The following IGSF5 variants were observed in gnomAD, a reference collection of about 807,000 sequenced individuals.
IGSF5 encodes immunoglobulin superfamily 5 like.
IGSF5 carries 41 observed loss-of-function variants against 39.4 expected under a neutral mutation model. The observed-to-expected ratio is 1.04, with a 90% CI of 0.81 to 1.35. The LOEUF is 1.35. Ranked by LOEUF, IGSF5 falls within the 40% of genes most tolerant of loss-of-function variation. IGSF5 has a pLI of 0.00. For synonymous variants in IGSF5, 183 were observed against 175.3 expected (o/e 1.04, Z -0.34); for missense variants, 487 against 494.6 (o/e 0.98, Z 0.15).
At chr21:39,799,191 A>C (rs2087014724) in intron 8 of IGSF5, among the ~76,000 whole-genome samples, 1 of 152,182 alleles carries the variant, frequency 6.6e-6, no homozygotes, top group Admixed American at 6.5e-5. Flanking sequence ...CCTGCTCAAG[A>C]GATGGGGCAG....
intron 4 of IGSF5, among the ~76,000 whole-genome samples, chr21:39,777,555 TA>T (rs1369186906): frequency 6.6e-6 from 1 of 152,058 alleles, no homozygotes; most frequent in Non-Finnish European, 1.5e-5. Context: ...GGGAAGGGTG[TA>T]ATCTGTTCCT....
At chr21:39,715,842 G>A in the IGSF5 span, among the ~76,000 whole-genome samples, 1 of 147,686 alleles carries the variant, frequency 6.8e-6, no homozygotes, top group African/African-American at 2.5e-5. Flanking sequence ...GAATTCACCG[G>A]ATTACTGAGT....
intron 2 of IGSF5, among the ~76,000 whole-genome samples, chr21:39,748,719 A>G (rs887300037): frequency 1.3e-5 from 2 of 152,208 alleles, no homozygotes; most frequent in Non-Finnish European, 2.9e-5. Context: ...AATTCCGTTT[A>G]TAGAAGCTAG....
At chr21:39,764,085 A>G (rs1012322995) in intron 2 of IGSF5, among the ~76,000 whole-genome samples, 21 of 152,018 alleles carry the variant, frequency 1.4e-4, no homozygotes, top group African/African-American at 4.8e-4. Flanking sequence ...CACCTTCTTC[A>G]GTTCTGCCTC....
the IGSF5 span, among the ~76,000 whole-genome samples, chr21:39,723,610 T>C: frequency 3.3e-5 from 5 of 152,154 alleles, no homozygotes; most frequent in East Asian, 7.7e-4. Flanking sequence ...GGGTCAGTGG[T>C]ACAGATCGTG....
At chr21:39,769,841 A>T (rs2080105416) in intron 3 of IGSF5, among the ~76,000 whole-genome samples, 2 of 152,358 alleles carry the variant, frequency 1.3e-5, no homozygotes, top group South Asian at 4.1e-4. Flanking sequence ...AATTTCAAAT[A>T]TGATAAATAT....
the IGSF5 span, chr21:39,730,011 A>T: frequency 6.6e-6 from 1 of 152,162 alleles, no homozygotes; most frequent in Non-Finnish European, 1.5e-5. Flanking sequence ...ATAACAAAGC[A>T]CCATAACCTG....
At position 39,749,213 on chromosome 21, in the gene IGSF5, G is replaced by GTTT. The variant is rs35333249; in HGVS notation, c.100+2930_100+2932dup. Among the ~76,000 whole-genome samples the GTTT allele has an allele frequency of 2.9e-5, 4 of 139,042 alleles. No homozygotes were observed. In the East Asian group the frequency reaches 8.6e-4, roughly 30 times the overall value. The allele number at this position is 139,042 out of a possible 152,430, so 91.2% of individuals were successfully genotyped here. On this transcript the variant is annotated intron_variant, in intron 2 of 8. Transcript: ENST00000380588. ...AGGTTTCTTTTGGAAAGACAAATAG[G>GTTT]TTTTTTTTTTTTTTTTTGAAACAGA...
At chr21:39,770,043 A>C (rs953150158) in intron 3 of IGSF5, among the ~76,000 whole-genome samples, 2 of 67,782 alleles carry the variant, frequency 3.0e-5, no homozygotes, top group Non-Finnish European at 5.5e-5. Context: ...TGGCAGAACC[A>C]AGATTGGGAA....
chr21:39,716,254 T>C, the IGSF5 span, among the ~76,000 whole-genome samples: 2 of 152,214 alleles, frequency 1.3e-5, no homozygotes, highest in African/African-American at 2.4e-5. Flanking sequence ...TCCCCACCCC[T>C]TACCACAGCT....
At chr21:39,726,869 G>T in the IGSF5 span, among the ~76,000 whole-genome samples, 1 of 151,994 alleles carries the variant, frequency 6.6e-6, no homozygotes, top group Non-Finnish European at 1.5e-5. Context: ...GGTGTGCCAT[G>T]AATGCATGAC....
upstream of IGSF5, among the ~76,000 whole-genome samples, chr21:39,743,267 G>A (rs151173661): frequency 0.035 from 5,267 of 152,266 alleles, 305 homozygotes; most frequent in African/African-American, 0.12. Context: ...TGAGATACCA[G>A]AGATCGCCAA....
At chr21:39,758,705 T>G (rs549751675) in intron 2 of IGSF5, among the ~76,000 whole-genome samples, 1 of 152,188 alleles carries the variant, frequency 6.6e-6, no homozygotes, top group Non-Finnish European at 1.5e-5. Context: ...AAAGGCATAG[T>G]GTATAGTCTA....
chr21:39,729,316 C>A, the IGSF5 span: 2 of 152,236 alleles, frequency 1.3e-5, no homozygotes. Flanking sequence ...CTCCTTACAT[C>A]CCACTGATCA....
At chr21:39,715,407 C>G in the IGSF5 span, among the ~76,000 whole-genome samples, 1 of 152,222 alleles carries the variant, frequency 6.6e-6, no homozygotes, top group Non-Finnish European at 1.5e-5. Flanking sequence ...GTATGAGCCA[C>G]CATGACCAGC....
intron 2 of IGSF5, among the ~76,000 whole-genome samples, chr21:39,764,410 G>A (rs1210194758): frequency 5.9e-5 from 9 of 152,070 alleles, no homozygotes; most frequent in Admixed American, 4.6e-4. Context: ...GCGTGATCTC[G>A]GCTCACTGCA....
chr21:39,770,999 T>C lies in IGSF5; in HGVS notation c.502T>C (p.Trp168Arg), dbSNP rs2080111160. 1.2e-6 allele frequency: 2 copies of C among 1,613,732 alleles called. No homozygotes were observed. Among genetic ancestry groups the C allele is most frequent in the Admixed American group, 1.7e-5 (1 of 59,980 alleles). Residue 168 changes from tryptophan (W) to arginine (R), a missense_variant, in exon 4 of 9, where the codon TGG becomes CGG. Trp to Arg is a moderately radical substitution (Grantham distance 101, BLOSUM62 -3). Coordinates refer to ENST00000380588, the MANE Select transcript of IGSF5 (RefSeq NM_001080444.2). ...TGAAGTTACTTGTCTACCCTCACAC[T>C]GGACCCGGCTCCCGGATATTTCCTG... Reference protein sequence around the residue: ...PCEVTCLPSHWTRLPDISWEL... With the variant: ...PCEVTCLPSHRTRLPDISWEL...
At chr21:39,744,316 A>G (rs1381498369), upstream of IGSF5, among the ~76,000 whole-genome samples, 1 of 152,212 alleles carries the variant, frequency 6.6e-6, no homozygotes, top group Non-Finnish European at 1.5e-5. Flanking sequence ...ATGCATTCCC[A>G]TAAACAACAG....
chr21:39,786,974 G>T (rs2086925525), intron 5 of IGSF5, among the ~76,000 whole-genome samples: 1 of 152,154 alleles, frequency 6.6e-6, no homozygotes, highest in African/African-American at 2.4e-5. Context: ...AGGGGGAAGG[G>T]GGAGGGATAG....
Sources: gnomAD v4.1 joint callset for allele counts (sites outside exome capture counted in the v4.1 genomes callset) on GRCh38, gnomAD v4.1.1 for gene constraint, MANE v1.5 for transcripts, NCBI Gene and HGNC (gene_info 2026-07-23, HGNC 2026-07-21) for gene names.